The following HLA-DPA1 variants were observed in gnomAD, a reference collection of about 807,000 sequenced individuals.
HLA-DPA1 encodes major histocompatibility complex, class II, DP alpha 1.
HLA-DPA1 carries 20 observed loss-of-function variants against 21.5 expected under a neutral mutation model. The ratio of observed to expected loss-of-function variants is 0.93; its 90% CI spans 0.66 to 1.35. HLA-DPA1 has a LOEUF of 1.35. HLA-DPA1 is among the 40% of genes most tolerant of loss of function. HLA-DPA1 has a pLI of 0.00. For synonymous variants in HLA-DPA1, 123 were observed against 129.6 expected (o/e 0.95, Z 0.35); for missense variants, 279 against 323.0 (o/e 0.86, Z 1.05).
intron 1 of HLA-DPA1, among the ~76,000 whole-genome samples, chr6:33,075,753 A>G (rs114086716): frequency 5.9e-5 from 9 of 152,318 alleles, no homozygotes; most frequent in Non-Finnish European, 1.3e-4. Flanking sequence ...CCCAAACATC[A>G]TGACTTATCT....
exon 4 of HLA-DPA1, chr6:33,069,230 G>A (rs541442614): frequency 1.9e-6 from 3 of 1,613,014 alleles, no homozygotes; most frequent in East Asian, 4.5e-5. Flanking sequence ...ACTTGTCAAT[G>A]TGGCAGATGA....
rs146966711 is a variant in HLA-DPA1, at chr6:33,068,374, A to G, written c.*12+264T>C. 2.0e-3 allele frequency: 742 copies of G among 371,754 alleles called. 6 individuals are homozygous for G. The highest frequency in any genetic ancestry group is 9.6e-3 in the East Asian group (205 of 21,346). 23.0% of individuals were successfully genotyped at this position (371,754 alleles called of 1,614,324 possible). A position where few individuals can be genotyped will look rare whatever the true frequency, so the allele number is the denominator to read the frequency against. ...GCTTAAAGTCTCTGTGTATGTAAAA[A>G]GATGTAAGTATCTCTCATGTGAAAT... is the stretch of plus-strand genomic sequence containing the variant. On this transcript the variant is annotated intron_variant, in intron 5 of 5. Transcript: ENST00000419277.
intron 1 of HLA-DPA1, 150 bp from the exon 1 acceptor site, chr6:33,073,799 G>C: frequency 2.0e-6 from 1 of 512,350 alleles, no homozygotes; most frequent in South Asian, 3.0e-5. Flanking sequence ...AGAATTTTAG[G>C]TACCAGCGTG....
chr6:33,074,130 C>T (rs1762424044), intron 1 of HLA-DPA1, among the ~76,000 whole-genome samples: 1 of 152,138 alleles, frequency 6.6e-6, no homozygotes, highest in Non-Finnish European at 1.5e-5. Context: ...ATCATTTCTG[C>T]AGAAGTGTTA....
Position 33,068,634 on chromosome 6 carries a change from C to A in HLA-DPA1, c.*12+4G>T. 1 of 1,600,744 alleles carries A rather than the reference C, an allele frequency of 6.2e-7. No homozygotes were observed. Among genetic ancestry groups the A allele is most frequent in the Non-Finnish European group, 8.5e-7 (1 of 1,173,360 alleles). On this transcript the variant is annotated splice_donor_region_variant and intron_variant, in intron 5 of 5. Coordinates refer to ENST00000419277, the Ensembl canonical transcript of HLA-DPA1. ...ATCCTAGGGCCTCCTCTTTACATTCCCACCTTTACAGTATTTCACAGGGTC... is the reference window on the plus strand; with the variant it reads ...ATCCTAGGGCCTCCTCTTTACATTCACACCTTTACAGTATTTCACAGGGTC...
intron 1 of HLA-DPA1, among the ~76,000 whole-genome samples, chr6:33,077,737 C>T (rs1157170791): frequency 6.6e-6 from 1 of 152,162 alleles, no homozygotes; most frequent in Non-Finnish European, 1.5e-5. Flanking sequence ...CCTGCTTACA[C>T]CCTTCCTCCT....
intron 1 of HLA-DPA1, chr6:33,076,132 G>GC: frequency 6.2e-7 from 1 of 1,606,618 alleles, no homozygotes; most frequent in South Asian, 1.1e-5. Flanking sequence ...CCAGGGCAGG[G>GC]CCACTCCAGG....
chr6:33,080,105 A>G lies in HLA-DPA1; in HGVS notation c.-100+575T>C, dbSNP rs989529801. ...AGTTGAAGAAAGTTTTAAGAAATATATTTCTACATCTCCTACATGCAAAAC... is the reference window on the plus strand; with the variant it reads ...AGTTGAAGAAAGTTTTAAGAAATATGTTTCTACATCTCCTACATGCAAAAC... On this transcript the variant is annotated intron_variant, in intron 1 of 5. Coordinates refer to ENST00000419277, the Ensembl canonical transcript of HLA-DPA1. This position sits in a 1 kb window ranked among gnomAD's most constrained non-coding sequence, Gnocchi z 4.3. 6.6e-6 allele frequency among the ~76,000 whole-genome samples: 1 copy of G among 152,186 alleles called. No homozygotes were observed. The highest frequency in any genetic ancestry group is 1.5e-5 in the Non-Finnish European group (1 of 68,040).
intron 1 of HLA-DPA1, among the ~76,000 whole-genome samples, chr6:33,074,207 G>T (rs1762428307): frequency 6.6e-6 from 1 of 151,792 alleles, no homozygotes; most frequent in Admixed American, 6.6e-5. Context: ...TCTATTCCTG[G>T]TTACCTTTGT....
rs7760157 is a variant in HLA-DPA1, at chr6:33,079,416, C to T, written c.-100+1264G>A. On this transcript the variant is annotated intron_variant, in intron 1 of 5. Coordinates refer to ENST00000419277, the Ensembl canonical transcript of HLA-DPA1. ...ATCAATGCTGTCTTCCTCGGTGCTG[C>T]CTATGCAGCTGGCAGCCATCTCTTC... 2.9e-3 allele frequency: 628 copies of T among 217,538 alleles called. 4 individuals are homozygous for T. The highest frequency in any genetic ancestry group is 0.013 in the African/African-American group (565 of 42,702). 13.5% of individuals were successfully genotyped at this position (217,538 alleles called of 1,614,324 possible).
intron 5 of HLA-DPA1, chr6:33,065,727 T>C (rs1261319038): frequency 6.6e-6 from 1 of 151,628 alleles, no homozygotes; most frequent in Non-Finnish European, 1.5e-5. Context: ...CGAAGGATAC[T>C]TGCTCACATT....
chr6:33,075,918 A>T, intron 1 of HLA-DPA1: 1 of 691,042 alleles, frequency 1.4e-6, no homozygotes, highest in Non-Finnish European at 2.5e-6. Context: ...ACTCTGTCCA[A>T]TCCCAGGGTC....
exon 3 of HLA-DPA1, chr6:33,069,686 AGTT>A (rs1157646553): frequency 1.5e-5 from 24 of 1,612,608 alleles, no homozygotes; most frequent in East Asian, 2.2e-5. Context: ...AAGGTATTCA[AGTT>A]GTTGTTCAAT....
chr6:33,078,222 T>G (rs1267579744), intron 1 of HLA-DPA1, among the ~76,000 whole-genome samples: 1 of 151,924 alleles, frequency 6.6e-6, no homozygotes, highest in African/African-American at 2.4e-5. Flanking sequence ...GTAGGGGGAA[T>G]GAGATGAGGC....
At chr6:33,068,595 C>G in intron 5 of HLA-DPA1, 43 bp downstream of exon 4, 1 of 1,506,600 alleles carries the variant, frequency 6.6e-7, no homozygotes, top group South Asian at 1.2e-5. Context: ...TCCTCCCTTC[C>G]TTACATTCTA....
intron 1 of HLA-DPA1, chr6:33,079,635 GCAA>G (rs534439917): frequency 3.1e-4 from 145 of 465,526 alleles, no homozygotes; most frequent in Non-Finnish European, 4.2e-4. Context: ...GCTTATGGGA[GCAA>G]CAACAACAAC....
At chr6:33,069,149 G>T in exon 4 of HLA-DPA1, 1 of 1,613,020 alleles carries the variant, frequency 6.2e-7, no homozygotes, top group Non-Finnish European at 8.5e-7. Context: ...GCAGGAAGAG[G>T]CTCTCAGCGA....
At position 33,078,761 on chromosome 6, in the gene HLA-DPA1, T is replaced by C. The variant is rs114769241; in HGVS notation, c.-100+1919A>G. ...GACTGGGTAAATTAAAAAAATTAAA[T>C]GTTGCAAAGAAAAAATTCAAAATTC... On this transcript the variant is annotated intron_variant, in intron 1 of 5. Coordinates refer to ENST00000419277, the Ensembl canonical transcript of HLA-DPA1. Among the ~76,000 whole-genome samples, 785 of 152,266 alleles carry C rather than the reference T, an allele frequency of 5.2e-3. 3 individuals carry two copies. The highest frequency in any genetic ancestry group is 0.011 in the East Asian group (58 of 5,184).
Position 33,074,554 on chromosome 6 carries a change from A to C in HLA-DPA1, c.-99-885T>G, listed in dbSNP as rs145092093. Among the ~76,000 whole-genome samples the C allele has an allele frequency of 3.5e-3, 528 of 152,322 alleles. 3 individuals carry two copies. Among genetic ancestry groups the C allele is most frequent in the East Asian group, 0.025 (129 of 5,190 alleles). On this transcript the variant is annotated intron_variant, in intron 1 of 5. Coordinates refer to ENST00000419277, the Ensembl canonical transcript of HLA-DPA1. ...TTTGATACTCATAGAGAAGGTCACA[A>C]AACATTTACTATTTAATGTAATGAT...
Sources: gnomAD v4.1 joint callset for allele counts (sites outside exome capture counted in the v4.1 genomes callset) on GRCh38, gnomAD v4.1.1 for gene constraint, Gnocchi (gnomAD v3.1) non-coding constraint, MANE v1.5 for transcripts, NCBI Gene and HGNC (gene_info 2026-07-23, HGNC 2026-07-21) for gene names.